The following CGAS variants were observed in gnomAD, a reference collection of about 807,000 sequenced individuals.
CGAS encodes the protein cyclic GMP-AMP synthase, also known as 2'3'-cGAMP synthase.
CGAS carries 31 observed loss-of-function variants against 34.0 expected under a neutral mutation model. That is an observed-to-expected ratio of 0.91 (90% CI 0.69 to 1.23). CGAS has a LOEUF of 1.23. Among genes scored for constraint, CGAS ranks in the 50% most tolerant of loss-of-function variants. CGAS has a pLI of 0.00. For synonymous variants in CGAS, 266 were observed against 260.0 expected (o/e 1.02, Z -0.22); for missense variants, 597 against 657.6 (o/e 0.91, Z 1.01).
At chr6:73,439,895 T>C (rs1159522897) in intron 3 of CGAS, 1 of 282,602 alleles carries the variant, frequency 3.5e-6, no homozygotes, top group Non-Finnish European at 6.7e-6. Flanking sequence ...TTCACACAAC[T>C]AGTAGAAGGA....
At chr6:73,449,196 G>T (rs1770520166) in intron 1 of CGAS, among the ~76,000 whole-genome samples, 1 of 152,052 alleles carries the variant, frequency 6.6e-6, no homozygotes, top group African/African-American at 2.4e-5. Context: ...GTGGTTCTGG[G>T]CTGGGCATGG....
At chr6:73,441,135 C>T (rs961413465) in intron 2 of CGAS, among the ~76,000 whole-genome samples, 2 of 146,040 alleles carry the variant, frequency 1.4e-5, no homozygotes, top group African/African-American at 5.1e-5. Flanking sequence ...GTTGCCCAGG[C>T]TGGAGTGCAG....
At chr6:73,440,722 T>C (rs373320050) in intron 2 of CGAS, among the ~76,000 whole-genome samples, 1 of 151,860 alleles carries the variant, frequency 6.6e-6, no homozygotes, top group East Asian at 1.9e-4. Context: ...GCCAACATGG[T>C]GGAACCCCAT....
At chr6:73,443,784 T>C (rs1348422086) in intron 2 of CGAS, among the ~76,000 whole-genome samples, 1 of 152,106 alleles carries the variant, frequency 6.6e-6, no homozygotes, top group Non-Finnish European at 1.5e-5. Flanking sequence ...CAGTGAGTGC[T>C]CTGAAGGGAA....
chr6:73,429,316 C>T (rs311673), intron 3 of CGAS, among the ~76,000 whole-genome samples: 150,572 of 152,100 alleles, frequency 0.99, 74,542 homozygotes, highest in Middle Eastern at 1. Flanking sequence ...TGGGCCTAAC[C>T]GAAAAAAAAA....
chr6:73,430,779 G>T (rs1325449858), intron 3 of CGAS, among the ~76,000 whole-genome samples: 2 of 151,872 alleles, frequency 1.3e-5, no homozygotes, highest in African/African-American at 4.8e-5. Context: ...ATGAAATTTT[G>T]AGAAAGATGT....
rs1770209618 is a variant in CGAS at position 73,432,462 on chromosome 6, T to C, written c.1115-3651A>G. Among the ~76,000 whole-genome samples the C allele has an allele frequency of 2.6e-5, 4 of 151,490 alleles. No individual in the cohort carries two copies. In the South Asian group the frequency reaches 8.4e-4, roughly 32 times the overall value. ...AGGTGTGAGCCACCGCTCCCAGTCA[T>C]TGATTATTTTTTTAAGACAAGGTTT... On this transcript the variant is annotated intron_variant, in intron 3 of 4. Coordinates refer to ENST00000370315, the MANE Select transcript of CGAS (RefSeq NM_138441.3).
At chr6:73,450,207 G>A (rs747270572) in intron 1 of CGAS, among the ~76,000 whole-genome samples, 2 of 151,366 alleles carry the variant, frequency 1.3e-5, no homozygotes, top group African/African-American at 2.4e-5. Flanking sequence ...ACCTGAGGTC[G>A]GGAGTTCTAG....
At chr6:73,426,960 C>T (rs1770100495) in intron 4 of CGAS, among the ~76,000 whole-genome samples, 1 of 151,446 alleles carries the variant, frequency 6.6e-6, no homozygotes, top group African/African-American at 2.4e-5. Flanking sequence ...AAGCGATTCT[C>T]CTGCCTCAAC....
At chr6:73,440,949 T>C (rs1562293351) in intron 2 of CGAS, among the ~76,000 whole-genome samples, 2 of 151,896 alleles carry the variant, frequency 1.3e-5, no homozygotes, top group Non-Finnish European at 2.9e-5. Flanking sequence ...ATTACTGATA[T>C]CTCCCATTGG....
At chr6:73,438,410 A>T (rs893167029) in intron 3 of CGAS, among the ~76,000 whole-genome samples, 1 of 152,178 alleles carries the variant, frequency 6.6e-6, no homozygotes, top group Non-Finnish European at 1.5e-5. Flanking sequence ...AGAACTCCCT[A>T]ACCATGGCTA....
At chr6:73,450,584 A>C (rs545158130) in intron 1 of CGAS, among the ~76,000 whole-genome samples, 33 of 152,308 alleles carry the variant, frequency 2.2e-4, no homozygotes, top group African/African-American at 7.9e-4. Context: ...CACACGTCGA[A>C]GCAATTATAC....
At position 73,428,769 on chromosome 6, in the gene CGAS, A is replaced by G. The variant is rs756941004; in HGVS notation, c.1157T>C (p.Ile386Thr). 6.2e-7 allele frequency: 1 copy of G among 1,613,850 alleles called. No individual in the cohort carries two copies. The highest frequency in any genetic ancestry group is 8.5e-7 in the Non-Finnish European group (1 of 1,179,984). Residue 386 changes from isoleucine to threonine, a missense_variant, in exon 4 of 5, where the codon ATT becomes ACT. Around this residue, in one of 3 missense-constraint regions of CGAS, gnomAD observed 271 missense variants for 324.1 expected, o/e 0.84. Coordinates refer to ENST00000370315, the MANE Select transcript of CGAS (RefSeq NM_138441.3). ...TTTAGATTTTCCATGATTGTTCAAA[A>G]TTTCCTTTTCGATGTGAGAGAAGGA... is the stretch of plus-strand genomic sequence containing the variant. ...RLSFSHIEKE[I>T]LNNHGKSKTC... is the part of the protein sequence containing the mutation.
intron 3 of CGAS, among the ~76,000 whole-genome samples, chr6:73,434,540 A>G (rs4032697): frequency 0.016 from 2,423 of 152,350 alleles, 170 homozygotes; most frequent in Admixed American, 0.12. Context: ...AAACTGTCAC[A>G]GTCAAGAGTA....
intron 1 of CGAS, among the ~76,000 whole-genome samples, chr6:73,450,150 C>T (rs950443231): frequency 5.9e-5 from 9 of 151,992 alleles, no homozygotes; most frequent in East Asian, 1.9e-4. Context: ...GGTGTGGTGG[C>T]TCACGCCTGT....
chr6:73,445,562 C>A lies in CGAS; in HGVS notation c.843G>T (p.Arg281Ser), dbSNP rs1770455271. Residue 281 changes from arginine (R) to serine (S), a missense_variant, in exon 2 of 5, where the codon AGG becomes AGT. Physicochemically the swap from Arg to Ser is moderately radical, Grantham distance 110. Around this residue, in one of 3 missense-constraint regions of CGAS, gnomAD observed 271 missense variants for 324.1 expected, o/e 0.84. Coordinates refer to ENST00000370315, the MANE Select transcript of CGAS (RefSeq NM_138441.3). ...LSASKMLSKF[R>S]KIIKEEINDI... ...CGTTAATTTCTTCCTTAATGATTTT[C>A]CTAAACTTTGACAGCATCTTAGAAG... 3.7e-6 allele frequency: 6 copies of A among 1,606,090 alleles called. No homozygotes were observed. The highest frequency in any genetic ancestry group is 3.4e-6 in the Non-Finnish European group (4 of 1,177,798).
chr6:73,431,119 A>C (rs1463531505), intron 3 of CGAS, among the ~76,000 whole-genome samples: 1 of 151,550 alleles, frequency 6.6e-6, no homozygotes, highest in Non-Finnish European at 1.5e-5. Flanking sequence ...AAAAACAAAA[A>C]CAAAAAACAA....
chr6:73,429,155 A>T (rs1582649411), intron 3 of CGAS, among the ~76,000 whole-genome samples: 1 of 151,442 alleles, frequency 6.6e-6, no homozygotes, highest in Non-Finnish European at 1.5e-5. Flanking sequence ...GCACCATTGC[A>T]CTCCAGCCTG....
chr6:73,426,349 G>GATAAAATAAAATAAA lies in CGAS; in HGVS notation c.1218-786_1218-772dup, dbSNP rs146402507. 4.9e-3 allele frequency among the ~76,000 whole-genome samples: 727 copies of GATAAAATAAAATAAA among 148,884 alleles called. 7 individuals are homozygous for GATAAAATAAAATAAA. The highest frequency in any genetic ancestry group is 0.017 in the African/African-American group (683 of 40,600). ...TGAAATAAATGAAATGAAATGAAAT[G>GATAAAATAAAATAAA]ATAAAATAAAATAAAATAAAATAAA... On this transcript the variant is annotated intron_variant, in intron 4 of 4. Transcript: ENST00000370315.
Sources: allele counts gnomAD v4.1 joint callset (sites outside exome capture counted in the v4.1 genomes callset), GRCh38; gene constraint gnomAD v4.1.1; regional missense constraint gnomAD v4.1.1; transcripts MANE v1.5; gene names NCBI Gene and HGNC (gene_info 2026-07-23, HGNC 2026-07-21).